Variants in ENAH observed in about 807,000 individuals in gnomAD.
ENAH encodes ENAH actin regulator, also known as protein enabled homolog.
ENAH carries 23 observed loss-of-function variants against 78.7 expected under a neutral mutation model. That is an observed-to-expected ratio of 0.29 (90% CI 0.21 to 0.41). ENAH has a LOEUF of 0.41. Ranked by LOEUF, ENAH falls within the 10% of genes least tolerant of loss-of-function variation. The pLI, the probability that ENAH is intolerant of heterozygous loss-of-function variation, is 1.00. For missense variants in ENAH, 544 were observed against 691.0 expected, an observed-to-expected ratio of 0.79 and a Z score of 2.39; for synonymous variants, 226 against 241.0, an observed-to-expected ratio of 0.94 and a Z score of 0.58.
At chr1:225,601,851 T>C (rs990184323) in intron 1 of ENAH, among the ~76,000 whole-genome samples, 2 of 151,554 alleles carry the variant, frequency 1.3e-5, no homozygotes, top group African/African-American at 2.4e-5. Context: ...TTAGAAAATA[T>C]ATGTTAGAGC....
intron 3 of ENAH, among the ~76,000 whole-genome samples, chr1:225,548,170 T>C (rs2096624030): frequency 6.6e-6 from 1 of 152,184 alleles, no homozygotes; most frequent in Admixed American, 6.5e-5. Context: ...GCCTACTTTT[T>C]TTTTTTCCTC....
chr1:225,584,867 T>G (rs1232175903), intron 1 of ENAH, among the ~76,000 whole-genome samples: 1 of 152,140 alleles, frequency 6.6e-6, no homozygotes, highest in Non-Finnish European at 1.5e-5. Flanking sequence ...AAATGGTCAA[T>G]TCATCAGAAA....
chr1:225,629,038 G>C (rs1337530317), intron 1 of ENAH, among the ~76,000 whole-genome samples: 1 of 152,112 alleles, frequency 6.6e-6, no homozygotes, highest in African/African-American at 2.4e-5. Flanking sequence ...CCAGGACTTT[G>C]GGAGGCCGAG....
intron 1 of ENAH, among the ~76,000 whole-genome samples, chr1:225,651,441 TGAGA>T (rs910388360): frequency 3.3e-5 from 5 of 152,042 alleles, no homozygotes; most frequent in African/African-American, 9.7e-5. Flanking sequence ...CTACCGAAAT[TGAGA>T]AAGAATTCCA....
intron 1 of ENAH, among the ~76,000 whole-genome samples, chr1:225,610,969 C>T (rs908815684): frequency 3.3e-5 from 5 of 151,892 alleles, no homozygotes; most frequent in Non-Finnish European, 5.9e-5. Context: ...AACGTTAGGC[C>T]GAAAAAGGCA....
At chr1:225,597,996 G>A (rs769057258) in intron 1 of ENAH, among the ~76,000 whole-genome samples, 24 of 151,468 alleles carry the variant, frequency 1.6e-4, no homozygotes, top group Non-Finnish European at 3.1e-4. Context: ...TGTGTTACCG[G>A]AATCCTCACA....
rs531723458 is a variant in ENAH, at chr1:225,591,726, C to A, written c.6-24312G>T. ...GCTGCAGTGAGCCGAGATCGCGTCACTGCACTCCAGCCTGGGCGACAGAGA... is the reference window on the plus strand; with the variant it reads ...GCTGCAGTGAGCCGAGATCGCGTCAATGCACTCCAGCCTGGGCGACAGAGA... On this transcript the variant is annotated intron_variant, in intron 1 of 13. Transcript: ENST00000366843. Among the ~76,000 whole-genome samples the A allele has an allele frequency of 3.2e-3, 406 of 128,258 alleles. 1 individual carries two copies. Among genetic ancestry groups the A allele is most frequent in the African/African-American group, 0.012 (389 of 32,372 alleles). 84.1% of individuals were successfully genotyped at this position (128,258 alleles called of 152,430 possible).
At chr1:225,629,588 G>GAAAA (rs377579413) in intron 1 of ENAH, among the ~76,000 whole-genome samples, 1 of 123,426 alleles carries the variant, frequency 8.1e-6, no homozygotes, top group East Asian at 2.3e-4. Context: ...CACTGTCCCA[G>GAAAA]AAAAAAAAAA....
intron 4 of ENAH, among the ~76,000 whole-genome samples, chr1:225,529,290 T>G (rs1457565678): frequency 6.6e-6 from 1 of 152,174 alleles, no homozygotes; most frequent in Non-Finnish European, 1.5e-5. Flanking sequence ...ACGGCCTCCT[T>G]GTTTTCCCAT....
rs2096232636 is a variant in ENAH at position 225,493,387 on chromosome 1, C to A, written c.*4388G>T. The A allele has an allele frequency of 6.6e-6, 1 of 152,204 alleles. No individual in the cohort carries two copies. Among genetic ancestry groups the A allele is most frequent in the Non-Finnish European group, 1.5e-5 (1 of 68,044 alleles). The allele number at this position is 152,204 out of a possible 1,614,324, so 9.4% of individuals were successfully genotyped here. ...CTACTATGTCTTTACATAGCCAAAG[C>A]TACCTACATCAATTTCATTCCTTCA... On this transcript the variant is annotated 3_prime_UTR_variant, in exon 14 of 14. Transcript: ENST00000366843.
intron 1 of ENAH, among the ~76,000 whole-genome samples, chr1:225,629,009 G>T (rs1313831378): frequency 2.6e-5 from 4 of 152,092 alleles, no homozygotes; most frequent in Non-Finnish European, 4.4e-5. Context: ...GCCAAGCGCA[G>T]TGGCTTACAA....
At chr1:225,653,641 G>A (rs1350482287), upstream of ENAH, among the ~76,000 whole-genome samples, 1 of 152,024 alleles carries the variant, frequency 6.6e-6, no homozygotes, top group Non-Finnish European at 1.5e-5. The surrounding 1 kb of genome is among the most constrained non-coding windows in gnomAD (Gnocchi z 4.3). Flanking sequence ...CTGGGCACAG[G>A]GCCGGGCCAG....
At chr1:225,613,713 C>T (rs1228308684) in intron 1 of ENAH, among the ~76,000 whole-genome samples, 2 of 152,080 alleles carry the variant, frequency 1.3e-5, no homozygotes, top group Non-Finnish European at 2.9e-5. Flanking sequence ...TCTACTACAC[C>T]TTATAGCATA....
intron 3 of ENAH, among the ~76,000 whole-genome samples, chr1:225,553,575 A>G (rs954403479): frequency 3.5e-5 from 5 of 142,386 alleles, no homozygotes; most frequent in African/African-American, 1.1e-4. Flanking sequence ...AGATATTAAG[A>G]AAAAAAAAAA....
intron 2 of ENAH, among the ~76,000 whole-genome samples, chr1:225,561,660 T>TAAAATAAAA (rs61081018): frequency 5.3e-5 from 8 of 151,636 alleles, no homozygotes; most frequent in Admixed American, 6.6e-5. Flanking sequence ...TAAAATAAAA[T>TAAAATAAAA]TAGTATGTTC....
At chr1:225,602,563 A>T (rs1011666266) in intron 1 of ENAH, among the ~76,000 whole-genome samples, 1 of 152,166 alleles carries the variant, frequency 6.6e-6, no homozygotes, top group Admixed American at 6.5e-5. Context: ...CCTACTTAAT[A>T]ATTTTTTTAA....
chr1:225,604,536 C>T (rs928805624), intron 1 of ENAH, among the ~76,000 whole-genome samples: 1 of 151,042 alleles, frequency 6.6e-6, no homozygotes, highest in Non-Finnish European at 1.5e-5. Context: ...GTAATCTCAG[C>T]ACTTTAGGAG....
At chr1:225,607,718 AC>A (rs1288139052) in intron 1 of ENAH, among the ~76,000 whole-genome samples, 1 of 152,108 alleles carries the variant, frequency 6.6e-6, no homozygotes, top group Non-Finnish European at 1.5e-5. Context: ...ATGATAACTT[AC>A]CACCCACCCA....
At chr1:225,585,707 T>A (rs1247943271) in intron 1 of ENAH, among the ~76,000 whole-genome samples, 1 of 152,136 alleles carries the variant, frequency 6.6e-6, no homozygotes, top group Non-Finnish European at 1.5e-5. Context: ...GAGAATTGCT[T>A]GAGCCCAGGA....
Sources: gnomAD v4.1 joint callset for allele counts (sites outside exome capture counted in the v4.1 genomes callset) on GRCh38, gnomAD v4.1.1 for gene constraint, Gnocchi (gnomAD v3.1) non-coding constraint, MANE v1.5 for transcripts, NCBI Gene and HGNC (gene_info 2026-07-23, HGNC 2026-07-21) for gene names.